The following C8orf34 variants were observed in gnomAD, a reference collection of about 807,000 sequenced individuals.
The protein encoded by C8orf34 is chromosome 8 open reading frame 34, also known as uncharacterized protein C8orf34.
C8orf34 carries 65 observed loss-of-function variants against 68.3 expected under a neutral mutation model. That is an observed-to-expected ratio of 0.95 (90% CI 0.78 to 1.17). The LOEUF (loss-of-function observed/expected upper bound fraction) is 1.17. C8orf34 is among the 50% of genes most tolerant of loss of function. The probability of loss-of-function intolerance (pLI) is 0.00; values close to 1 mark genes in which losing one functional copy is unlikely to be tolerated. For missense variants in C8orf34, 664 were observed against 655.4 expected (o/e 1.01, Z -0.14); for synonymous variants, 244 against 241.2 (o/e 1.01, Z -0.11).
intron 8 of C8orf34, among the ~76,000 whole-genome samples, chr8:68,659,649 C>A: frequency 6.6e-6 from 1 of 152,154 alleles, no homozygotes; most frequent in African/African-American, 2.4e-5. Flanking sequence ...AATAAGTTTC[C>A]TTGACTCTGA....
In C8orf34 at chr8:68,575,956, G is replaced by GGTTTTT. The variant is rs747862590; in HGVS notation, c.1105+42807_1105+42808insGTTTTT. On this transcript the variant is annotated intron_variant, in intron 7 of 13. Transcript: ENST00000518698. The stretch of plus-strand genomic sequence containing the variant: ...GCTGACATAATGCTAGTAGATGGTT[G>GGTTTTT]TTTTTTTTTTTTTTTTTTTTTGCCT... 8.3e-5 allele frequency among the ~76,000 whole-genome samples: 8 copies of GGTTTTT among 96,332 alleles called. 1 individual carries two copies. Among genetic ancestry groups the GGTTTTT allele is most frequent in the Non-Finnish European group, 1.5e-4 (7 of 47,316 alleles). The allele number at this position is 96,332 out of a possible 152,430, so 63.2% of individuals were successfully genotyped here. A position where few individuals can be genotyped will look rare whatever the true frequency, so the allele number is the denominator to read the frequency against.
intron 7 of C8orf34, among the ~76,000 whole-genome samples, chr8:68,636,756 C>G (rs930546502): frequency 1.3e-5 from 2 of 152,154 alleles, no homozygotes; most frequent in Admixed American, 6.5e-5. Flanking sequence ...TCTTTTTCAT[C>G]TTTTTTGTTG....
chr8:68,804,980 C>T (rs183546825), intron 12 of C8orf34, among the ~76,000 whole-genome samples: 60 of 152,236 alleles, frequency 3.9e-4, no homozygotes, highest in African/African-American at 1.3e-3. Context: ...AGACCACAAA[C>T]GTCAGTCCCC....
At chr8:68,465,055 A>T (rs1330618548) in intron 3 of C8orf34, among the ~76,000 whole-genome samples, 1 of 151,916 alleles carries the variant, frequency 6.6e-6, no homozygotes, top group Non-Finnish European at 1.5e-5. Context: ...TGCTCATCTG[A>T]CAAAGGGCTA....
Position 68,492,393 on chromosome 8 carries a change from C to A in C8orf34, c.765+4342C>A, listed in dbSNP as rs988128131. ...TACAAACGTGTGCCACCATGCCTGG[C>A]TAATTTTTTAATTTTTTTAGAGACA... On this transcript the variant is annotated intron_variant, in intron 5 of 13. Coordinates refer to ENST00000518698, the MANE Select transcript of C8orf34 (RefSeq NM_052958.4). Among the ~76,000 whole-genome samples the A allele has an allele frequency of 3.3e-5, 5 of 151,950 alleles. No individual in the cohort carries two copies. In the East Asian group the frequency reaches 9.7e-4, roughly 30 times the overall value.
chr8:68,476,948 G>T (rs2129630627), intron 4 of C8orf34, among the ~76,000 whole-genome samples: 1 of 152,320 alleles, frequency 6.6e-6, no homozygotes, highest in African/African-American at 2.4e-5. Context: ...GTAATTCAGA[G>T]TTAGGGAGGG....
At chr8:68,787,753 G>GAA (rs78841992) in intron 12 of C8orf34, 171 of 296,080 alleles carry the variant, frequency 5.8e-4, no homozygotes, top group Middle Eastern at 5.2e-3. Context: ...TAACTTTCTA[G>GAA]AAAAAAAAAG....
At chr8:68,606,442 C>T (rs1170810325) in intron 7 of C8orf34, among the ~76,000 whole-genome samples, 2 of 151,998 alleles carry the variant, frequency 1.3e-5, no homozygotes, top group African/African-American at 2.4e-5. Context: ...AAAGTTGGCC[C>T]ATAACTTACA....
intron 6 of C8orf34, among the ~76,000 whole-genome samples, chr8:68,528,759 C>T (rs2129777360): frequency 6.6e-6 from 1 of 152,248 alleles, no homozygotes; most frequent in African/African-American, 2.4e-5. Flanking sequence ...TTCCTGCTCT[C>T]CCCCAATCTC....
intron 3 of C8orf34, among the ~76,000 whole-genome samples, chr8:68,451,853 G>C (rs375159157): frequency 6.6e-6 from 1 of 151,758 alleles, no homozygotes; most frequent in Non-Finnish European, 1.5e-5. Context: ...TTCAATGCAG[G>C]GTCCCCACGA....
At position 68,535,685 on chromosome 8, in the gene C8orf34, ATAT is replaced by A. The variant is rs1280008502; in HGVS notation, c.1105+2540_1105+2542del. 4 of 777,108 alleles carry A rather than the reference ATAT, an allele frequency of 5.1e-6. No individual in the cohort carries two copies. In the African/African-American group the frequency reaches 7.5e-5, roughly 15 times the overall value. 48.1% of individuals were successfully genotyped at this position (777,108 alleles called of 1,614,324 possible). On this transcript the variant is annotated intron_variant, in intron 7 of 13. Coordinates refer to ENST00000518698, the MANE Select transcript of C8orf34 (RefSeq NM_052958.4). The stretch of plus-strand genomic sequence containing the variant: ...TTCTAAATGTTTTAGGCATATGAAA[ATAT>A]TATAGTACAACACCTGTAATTTTTA...
chr8:68,535,260 G>A, intron 7 of C8orf34: 1 of 979,042 alleles, frequency 1.0e-6, no homozygotes, highest in Non-Finnish European at 1.2e-6. Flanking sequence ...ATTGTAAGAT[G>A]CAATAGAGAC....
intron 5 of C8orf34, among the ~76,000 whole-genome samples, chr8:68,504,514 T>G (rs942928388): frequency 2.3e-4 from 35 of 152,100 alleles, no homozygotes; most frequent in African/African-American, 7.2e-4. Flanking sequence ...AAATTGATTT[T>G]CTTTTTTTTC....
At chr8:68,519,847 A>T (rs578095783) in intron 5 of C8orf34, among the ~76,000 whole-genome samples, 1 of 152,326 alleles carries the variant, frequency 6.6e-6, no homozygotes, top group Non-Finnish European at 1.5e-5. Flanking sequence ...AATTCAAGGA[A>T]TAAGTAACAT....
chr8:68,559,323 A>G (rs1011818839), intron 7 of C8orf34, among the ~76,000 whole-genome samples: 5 of 152,216 alleles, frequency 3.3e-5, no homozygotes, highest in Admixed American at 1.3e-4. Context: ...CAGGAAAAAT[A>G]ATTTTCAGCT....
intron 8 of C8orf34, among the ~76,000 whole-genome samples, chr8:68,696,871 G>A (rs1015208089): frequency 1.8e-4 from 27 of 151,782 alleles, no homozygotes; most frequent in African/African-American, 6.3e-4. Flanking sequence ...TACAATTAAC[G>A]ACCTCACTGC....
At chr8:68,809,194 A>G (rs926962612) in intron 12 of C8orf34, among the ~76,000 whole-genome samples, 39 of 152,236 alleles carry the variant, frequency 2.6e-4, no homozygotes, top group African/African-American at 9.2e-4. Context: ...ACTACATGAT[A>G]GTAAAGGCAA....
intron 5 of C8orf34, among the ~76,000 whole-genome samples, chr8:68,501,482 C>G (rs1228388077): frequency 2.6e-5 from 4 of 152,182 alleles, no homozygotes; most frequent in Admixed American, 6.5e-5. Context: ...ATTGTACTTT[C>G]TTCAGAACAA....
chr8:68,585,501 T>C (rs545874237), intron 7 of C8orf34, among the ~76,000 whole-genome samples: 2 of 152,286 alleles, frequency 1.3e-5, no homozygotes, highest in African/African-American at 4.8e-5. Context: ...TTGCTGTCAC[T>C]TATGATATTA....
Sources: allele counts gnomAD v4.1 joint callset (sites outside exome capture counted in the v4.1 genomes callset), GRCh38; gene constraint gnomAD v4.1.1; transcripts MANE v1.5; gene names NCBI Gene and HGNC (gene_info 2026-07-23, HGNC 2026-07-21).